Variants in AMIGO3 observed in about 807,000 individuals in gnomAD.
AMIGO3 encodes the protein adhesion molecule with Ig like domain 3.
In AMIGO3, 6 loss-of-function variants were observed where a neutral mutation model predicts 4.3. That is an observed-to-expected ratio of 1.39 (90% CI 0.76 to 2.75). AMIGO3 has a LOEUF of 2.75. Among genes scored for constraint, AMIGO3 ranks in the 30% most tolerant of loss-of-function variants. The pLI, the probability that AMIGO3 is intolerant of heterozygous loss-of-function variation, is 0.00. For missense variants in AMIGO3, 771 were observed against 692.1 expected (o/e 1.11, Z -1.28); for synonymous variants, 315 against 320.0 (o/e 0.98, Z 0.17).
rs761982260 is a variant in AMIGO3, at chr3:49,718,505, C to G, written c.961G>C (p.Ala321Pro). The change falls in exon 1 of 1, where the codon GCG becomes CCG. Residue 321 changes from alanine (A) to proline (P), a missense_variant. By Grantham distance (27) the Ala-to-Pro change is conservative (BLOSUM62 -1). Transcript: ENST00000320431. ...WVSPQQELLR[A>P]PGSRDGSIAV... Reference sequence around the variant, plus strand: ...ATGCTGCCATCGCGGGATCCTGGCGCCCTGAGAAGCTCCTGCTGCGGCGAA... The same window carrying G: ...ATGCTGCCATCGCGGGATCCTGGCGGCCTGAGAAGCTCCTGCTGCGGCGAA... 2 of 1,613,130 alleles carry G rather than the reference C, an allele frequency of 1.2e-6. No individual in the cohort carries two copies. Among genetic ancestry groups the G allele is most frequent in the Non-Finnish European group, 1.7e-6 (2 of 1,179,952 alleles).
At position 49,717,810 on chromosome 3, in the gene AMIGO3, A is replaced by AT; in HGVS notation, c.*140dup. The AT allele has an allele frequency of 1.1e-6, 1 of 887,236 alleles. No homozygotes were observed. Among genetic ancestry groups the AT allele is most frequent in the Non-Finnish European group, 1.7e-6 (1 of 591,098 alleles). The allele number at this position is 887,236 out of a possible 1,614,324, so 55.0% of individuals were successfully genotyped here. On this transcript the variant is annotated 3_prime_UTR_variant, in exon 1 of 1. Coordinates refer to ENST00000320431, the MANE Select transcript of AMIGO3 (RefSeq NM_198722.3). ...TCTCTACCAGTGAGCGAGAAGGCCC[A>AT]TTGTGTTTCGAGGCCCATACAGGAA...
rs776656174 is a variant in AMIGO3, at chr3:49,718,967, TGCAGCCCAGGTAGAGATGGCTGAGCGCGC to T, written c.470_498del (p.Arg157GlnfsTer36). 1 of 1,613,682 alleles carries T rather than the reference TGCAGCCCAGGTAGAGATGGCTGAGCGCGC, an allele frequency of 6.2e-7. No homozygotes were observed. Among genetic ancestry groups the T allele is most frequent in the Non-Finnish European group, 8.5e-7 (1 of 1,180,036 alleles). ...TCGAAGGAGAACGAGGCGAGTTCGTTGCAGCCCAGGTAGAGATGGCTGAGCGCGCGCAGGCCGTGGAAGGCATGCTCGTC... is the reference window on the plus strand; with the variant it reads ...TCGAAGGAGAACGAGGCGAGTTCGTTGCAGGCCGTGGAAGGCATGCTCGTC... On this transcript the variant is annotated frameshift_variant, in exon 1 of 1. Coordinates refer to ENST00000320431, the MANE Select transcript of AMIGO3 (RefSeq NM_198722.3). LOFTEE classifies it low-confidence loss of function (END_TRUNC).
rs765789175 is a variant in AMIGO3 at position 49,718,091 on chromosome 3, G to T, written c.1375C>A (p.Pro459Thr). The T allele has an allele frequency of 6.2e-7, 1 of 1,613,566 alleles. No individual in the cohort carries two copies. Among genetic ancestry groups the T allele is most frequent in the Non-Finnish European group, 8.5e-7 (1 of 1,180,050 alleles). ...SVHKHVVFLE[P>T]GRRGLNGRVQ... ...CGGCCATTGAGGCCCCTCCGGCCTG[G>T]CTCCAGAAAGACTACGTGCTTGTGG... The change falls in exon 1 of 1, where the codon CCA (proline) becomes ACA (threonine). Residue 459 changes from proline (P) to threonine (T), a missense_variant. Physicochemically the swap from Pro to Thr is conservative, Grantham distance 38. Transcript: ENST00000320431.
Position 49,718,090 on chromosome 3 carries a change from G to A in AMIGO3, c.1376C>T (p.Pro459Leu), listed in dbSNP as rs762161223. Reference protein sequence around the residue: ...SVHKHVVFLEPGRRGLNGRVQ... With the variant: ...SVHKHVVFLELGRRGLNGRVQ... ...GCGGCCATTGAGGCCCCTCCGGCCTGGCTCCAGAAAGACTACGTGCTTGTG... is the reference window on the plus strand; with the variant it reads ...GCGGCCATTGAGGCCCCTCCGGCCTAGCTCCAGAAAGACTACGTGCTTGTG... Residue 459 changes from proline to leucine, a missense_variant, in exon 1 of 1, where the codon CCA becomes CTA. Physicochemically the swap from Pro to Leu is moderately conservative, Grantham distance 98. Transcript: ENST00000320431. 6 of 1,613,494 alleles carry A rather than the reference G, an allele frequency of 3.7e-6. No homozygotes were observed. The highest frequency in any genetic ancestry group is 5.1e-6 in the Non-Finnish European group (6 of 1,180,052).
In AMIGO3 at chr3:49,719,378, C is replaced by T. The variant is rs2080335088; in HGVS notation, c.88G>A (p.Ala30Thr). Residue 30 changes from alanine to threonine, a missense_variant, in exon 1 of 1, where the codon GCG (alanine) becomes ACG (threonine). By Grantham distance (58) the Ala-to-Thr change is moderately conservative. Coordinates refer to ENST00000320431, the MANE Select transcript of AMIGO3 (RefSeq NM_198722.3). ...CATTTGTAGGGGCAGTTGTGGAGCG[C>T]ACGGGGCGGGAAACCCTCGGAGTCC... ...TPDSEGFPPR[A>T]LHNCPYKCIC... The T allele has an allele frequency of 6.2e-7, 1 of 1,613,622 alleles. No homozygotes were observed. Among genetic ancestry groups the T allele is most frequent in the East Asian group, 2.2e-5 (1 of 44,886 alleles).
In AMIGO3 at chr3:49,719,167, A is replaced by T; in HGVS notation, c.299T>A (p.Leu100Gln). The T allele has an allele frequency of 6.2e-7, 1 of 1,613,564 alleles. No homozygotes were observed. Among genetic ancestry groups the T allele is most frequent in the Non-Finnish European group, 8.5e-7 (1 of 1,180,006 alleles). ...LHLDHNELDA[L>Q]GRGVFVNASG... ...GGCGTTGACGAAGACGCCGCGACCC[A>T]GCGCATCTAGTTCGTTGTGGTCTAG... The change falls in exon 1 of 1, where the codon CTG (leucine) becomes CAG (glutamine). Residue 100 changes from leucine (L) to glutamine (Q), a missense_variant. Physicochemically the swap from Leu to Gln is moderately radical, Grantham distance 113. Transcript: ENST00000320431.
rs1198515043 is a variant in AMIGO3, at chr3:49,719,660, T to TCC, written c.-197_-196dup. ...GGCGGTGCGGCACTCTTAGCCGCGC[T>TCC]CCCTTCGGCTTCGCTAGCCCTCTCC... On this transcript the variant is annotated 5_prime_UTR_variant, in exon 1 of 1. Coordinates refer to ENST00000320431, the MANE Select transcript of AMIGO3 (RefSeq NM_198722.3). 2 of 573,096 alleles carry TCC rather than the reference T, an allele frequency of 3.5e-6. No individual in the cohort carries two copies. The highest frequency in any genetic ancestry group is 3.8e-5 in the African/African-American group (2 of 52,012). The allele number at this position is 573,096 out of a possible 1,614,324, so 35.5% of individuals were successfully genotyped here. A position where few individuals can be genotyped will look rare whatever the true frequency, so the allele number is the denominator to read the frequency against.
Position 49,719,012 on chromosome 3 carries a change from C to G in AMIGO3, c.454G>C (p.Ala152Pro), listed in dbSNP as rs771566546. The change falls in exon 1 of 1, where the codon GCC (alanine) becomes CCC (proline). Residue 152 changes from alanine to proline, a missense_variant. Ala to Pro is a conservative substitution (Grantham distance 27). Coordinates refer to ENST00000320431, the MANE Select transcript of AMIGO3 (RefSeq NM_198722.3). ...CTGAGCGCGCGCAGGCCGTGGAAGG[C>G]ATGCTCGTCCAAGTGCACCAAGCGG... ...NNRLVHLDEH[A>P]FHGLRALSHL... 1 of 1,613,762 alleles carries G rather than the reference C, an allele frequency of 6.2e-7. No homozygotes were observed. Among genetic ancestry groups the G allele is most frequent in the Admixed American group, 1.7e-5 (1 of 60,012 alleles).
rs779352926 is a variant in AMIGO3, at chr3:49,719,290, A to G, written c.176T>C (p.Leu59Ser). Reference sequence around the variant, plus strand: ...GTCGAGGTCCGCAGTAGCGGCAGGTAACTCGGCTGGCACGTCCTGCAGCCC... The same window carrying G: ...GTCGAGGTCCGCAGTAGCGGCAGGTGACTCGGCTGGCACGTCCTGCAGCCC... Reference protein sequence around the residue: ...GLGLQDVPAELPAATADLDLS... With the variant: ...GLGLQDVPAESPAATADLDLS... The change falls in exon 1 of 1, where the codon TTA (leucine) becomes TCA (serine). Residue 59 changes from leucine to serine, a missense_variant. Physicochemically the swap from Leu to Ser is moderately radical, Grantham distance 145. Transcript: ENST00000320431. 6.2e-6 allele frequency: 10 copies of G among 1,613,006 alleles called. No individual in the cohort carries two copies. The highest frequency in any genetic ancestry group is 3.3e-4 in the Middle Eastern group (2 of 6,004).
chr3:49,718,590 C>T lies in AMIGO3; in HGVS notation c.876G>A (p.Val292=), dbSNP rs781467596. Residue 292 remains valine (V), a synonymous_variant, in exon 1 of 1, where the codon GTG becomes GTA. Coordinates refer to ENST00000320431, the MANE Select transcript of AMIGO3 (RefSeq NM_198722.3). ...ERPEEHLYAL[V]GRSLRLYCNT... ...TGCAGTAAAGCCTCAGGGACCGACC[C>T]ACCAGCGCGTACAGGTGCTCTTCCG... 3.1e-6 allele frequency: 5 copies of T among 1,612,922 alleles called. No individual in the cohort carries two copies. Among genetic ancestry groups the T allele is most frequent in the African/African-American group, 1.3e-5 (1 of 74,946 alleles).
Position 49,718,380 on chromosome 3 carries a change from G to C in AMIGO3, c.1086C>G (p.Asn362Lys), listed in dbSNP as rs1280610026. Residue 362 changes from asparagine (N) to lysine (K), a missense_variant, in exon 1 of 1, where the codon AAC becomes AAG. Coordinates refer to ENST00000320431, the MANE Select transcript of AMIGO3 (RefSeq NM_198722.3). ...CLATGPRLHH[N>K]QTHEYNVSVH... The stretch of plus-strand genomic sequence containing the variant: ...CGCTCACGTTGTACTCGTGCGTCTG[G>C]TTGTGGTGCAGGCGGGGCCCAGTGG... The C allele has an allele frequency of 1.2e-6, 2 of 1,613,248 alleles. No individual in the cohort carries two copies. The highest frequency in any genetic ancestry group is 2.7e-5 in the African/African-American group (2 of 74,936).
In AMIGO3 at chr3:49,718,416, GAA is replaced by G; in HGVS notation, c.1048_1049del (p.Phe350ArgfsTer124). ...GGCGGGGCCCAGTGGCCAGGCACAC[GAA>G]GAGTCCCGCATGCTGCTCCTGTACG... Reference protein sequence around the residue: ...GNVQEQHAGLFVCLATGPRLH... With the variant: ...GNVQEQHAGLXVCLATGPRLH... On this transcript the variant is annotated frameshift_variant, in exon 1 of 1. Transcript: ENST00000320431. LOFTEE classifies it low-confidence loss of function (END_TRUNC). 1 of 1,612,982 alleles carries G rather than the reference GAA, an allele frequency of 6.2e-7. No individual in the cohort carries two copies. Among genetic ancestry groups the G allele is most frequent in the Non-Finnish European group, 8.5e-7 (1 of 1,179,936 alleles).
In AMIGO3 at chr3:49,718,370, C is replaced by G. The variant is rs751316970; in HGVS notation, c.1096G>C (p.Glu366Gln). ...GGAAAGTGCACGCTCACGTTGTACTCGTGCGTCTGGTTGTGGTGCAGGCGG... is the reference window on the plus strand; with the variant it reads ...GGAAAGTGCACGCTCACGTTGTACTGGTGCGTCTGGTTGTGGTGCAGGCGG... ...GPRLHHNQTH[E>Q]YNVSVHFPRP... The change falls in exon 1 of 1, where the codon GAG (glutamate) becomes CAG (glutamine). Residue 366 changes from glutamate (E) to glutamine (Q), a missense_variant. Coordinates refer to ENST00000320431, the MANE Select transcript of AMIGO3 (RefSeq NM_198722.3). 1.9e-6 allele frequency: 3 copies of G among 1,613,240 alleles called. No homozygotes were observed. In the African/African-American group the frequency reaches 4.0e-5, roughly 22 times the overall value.
Position 49,718,084 on chromosome 3 carries a change from C to T in AMIGO3, c.1382G>A (p.Arg461Gln). The change falls in exon 1 of 1, where the codon CGG (arginine) becomes CAG (glutamine). Residue 461 changes from arginine to glutamine, a missense_variant. Physicochemically the swap from Arg to Gln is conservative, Grantham distance 43 (BLOSUM62 1). Transcript: ENST00000320431. Reference sequence around the variant, plus strand: ...CTGCACGCGGCCATTGAGGCCCCTCCGGCCTGGCTCCAGAAAGACTACGTG... The same window carrying T: ...CTGCACGCGGCCATTGAGGCCCCTCTGGCCTGGCTCCAGAAAGACTACGTG... The part of the protein sequence containing the change: ...HKHVVFLEPG[R>Q]RGLNGRVQLA... The T allele has an allele frequency of 6.2e-7, 1 of 1,613,582 alleles. No homozygotes were observed. Among genetic ancestry groups the T allele is most frequent in the South Asian group, 1.1e-5 (1 of 91,090 alleles).
Position 49,719,512 on chromosome 3 carries a change from A to C in AMIGO3, c.-47T>G. 1 of 1,491,404 alleles carries C rather than the reference A, an allele frequency of 6.7e-7. No homozygotes were observed. The highest frequency in any genetic ancestry group is 9.2e-7 in the Non-Finnish European group (1 of 1,091,678). The allele number at this position is 1,491,404 out of a possible 1,614,324, so 92.4% of individuals were successfully genotyped here. A position where few individuals can be genotyped will look rare whatever the true frequency, so the allele number is the denominator to read the frequency against. On this transcript the variant is annotated 5_prime_UTR_variant, in exon 1 of 1. Transcript: ENST00000320431. ...TACAGAGCAGCTCTGTGCAGGTTGC[A>C]GTTCCAGGACTCACCCTCTTCTGCT...
In AMIGO3 at chr3:49,718,865, G is replaced by T. The variant is rs757683825; in HGVS notation, c.601C>A (p.Pro201Thr). The change falls in exon 1 of 1, where the codon CCT (proline) becomes ACT (threonine). Residue 201 changes from proline to threonine, a missense_variant. Physicochemically the swap from Pro to Thr is conservative, Grantham distance 38. Coordinates refer to ENST00000320431, the MANE Select transcript of AMIGO3 (RefSeq NM_198722.3). Reference protein sequence around the residue: ...SSNRLGHISVPELAALPAFLK... With the variant: ...SSNRLGHISVTELAALPAFLK... ...AAGGCCGGCAGCGCGGCCAGCTCAG[G>T]TACGGAGATGTGTCCCAGCCGGTTG... The T allele has an allele frequency of 6.2e-7, 1 of 1,613,486 alleles. No homozygotes were observed. The highest frequency in any genetic ancestry group is 1.7e-5 in the Admixed American group (1 of 60,030).
chr3:49,718,391 G>A lies in AMIGO3; in HGVS notation c.1075C>T (p.Leu359=). The change falls in exon 1 of 1, where the codon CTG becomes TTG. Residue 359 remains leucine (L), a synonymous_variant. Transcript: ENST00000320431. ...TACTCGTGCGTCTGGTTGTGGTGCA[G>A]GCGGGGCCCAGTGGCCAGGCACACG... is the stretch of plus-strand genomic sequence containing the variant. ...LFVCLATGPR[L]HHNQTHEYNV... is the part of the protein sequence containing the mutation. 1 of 1,613,298 alleles carries A rather than the reference G, an allele frequency of 6.2e-7. No individual in the cohort carries two copies. The highest frequency in any genetic ancestry group is 8.5e-7 in the Non-Finnish European group (1 of 1,179,954).
chr3:49,719,100 C>T lies in AMIGO3; in HGVS notation c.366G>A (p.Arg122=), dbSNP rs924815204. The T allele has an allele frequency of 1.2e-6, 2 of 1,613,550 alleles. No homozygotes were observed. Among genetic ancestry groups the T allele is most frequent in the African/African-American group, 2.7e-5 (2 of 75,064 alleles). Residue 122 remains arginine, a synonymous_variant, in exon 1 of 1, where the codon CGG becomes CGA. Transcript: ENST00000320431. ...CGTCGAGGTCGTGGCGGCCAAGCGC[C>T]CGCAACGTGTTAGATGATAGATCGA... ...RLLDLSSNTL[R]ALGRHDLDGL...
rs1441947166 is a variant in AMIGO3 at position 49,718,647 on chromosome 3, G to A, written c.819C>T (p.Cys273=). ...FFQHSRVFEN[C]SSAPALGLER... The stretch of plus-strand genomic sequence containing the variant: ...CTAGGCCAAGAGCTGGGGCCGACGA[G>A]CAGTTCTCAAAGACGCGGCTGTGCT... Residue 273 remains cysteine (C), a synonymous_variant, in exon 1 of 1, where the codon TGC becomes TGT. Coordinates refer to ENST00000320431, the MANE Select transcript of AMIGO3 (RefSeq NM_198722.3). 4 of 1,612,944 alleles carry A rather than the reference G, an allele frequency of 2.5e-6. No homozygotes were observed. In the African/African-American group the frequency reaches 5.3e-5, roughly 22 times the overall value.
Sources: gnomAD v4.1 joint callset for allele counts on GRCh38, gnomAD v4.1.1 for gene constraint, MANE v1.5 for transcripts, NCBI Gene and HGNC (gene_info 2026-07-23, HGNC 2026-07-21) for gene names.